Variants in AGBL4 observed in about 807,000 individuals in gnomAD.
AGBL4 encodes cytosolic carboxypeptidase 6.
In AGBL4, 58 loss-of-function variants were observed where a neutral mutation model predicts 66.4. The observed-to-expected ratio is 0.87, with a 90% CI of 0.71 to 1.09. AGBL4 has a LOEUF of 1.09. Among genes scored for constraint, AGBL4 ranks in the 50% least tolerant of loss-of-function variants. The pLI, the probability that AGBL4 is intolerant of heterozygous loss-of-function variation, is 0.00. For synonymous variants in AGBL4, 234 were observed against 222.9 expected, an observed-to-expected ratio of 1.05 and a Z score of -0.44; for missense variants, 579 against 631.0, an observed-to-expected ratio of 0.92 and a Z score of 0.88.
chr1:49,631,677 G>A (rs1401396221), intron 3 of AGBL4, among the ~76,000 whole-genome samples: 1 of 152,188 alleles, frequency 6.6e-6, no homozygotes, highest in Admixed American at 6.5e-5. Flanking sequence ...CCTGTTGGGA[G>A]AAATGCCTGT....
At chr1:48,826,362 T>A (rs1646426743) in intron 6 of AGBL4, among the ~76,000 whole-genome samples, 1 of 152,204 alleles carries the variant, frequency 6.6e-6, no homozygotes. Context: ...TAAAGCCATG[T>A]ACCATCACCA....
intron 2 of AGBL4, among the ~76,000 whole-genome samples, chr1:49,701,362 T>A (rs1056859600): frequency 5.3e-5 from 8 of 152,036 alleles, no homozygotes; most frequent in Admixed American, 3.3e-4. Context: ...AGTATTTTTA[T>A]CACAAAAATA....
intron 4 of AGBL4, among the ~76,000 whole-genome samples, chr1:49,207,723 C>T (rs746086211): frequency 6.6e-6 from 1 of 151,668 alleles, no homozygotes; most frequent in Non-Finnish European, 1.5e-5. Context: ...CCCCAAGTAG[C>T]TGATATTATA....
At chr1:49,248,260 C>G (rs1055246211) in intron 3 of AGBL4, among the ~76,000 whole-genome samples, 2 of 152,136 alleles carry the variant, frequency 1.3e-5, no homozygotes, top group South Asian at 2.1e-4. Flanking sequence ...GAATTAAACA[C>G]TTCATTCACA....
At chr1:48,968,009 T>A (rs71647724) in intron 5 of AGBL4, among the ~76,000 whole-genome samples, 27 of 152,268 alleles carry the variant, frequency 1.8e-4, no homozygotes, top group Admixed American at 4.6e-4. Flanking sequence ...TGTTTTCTTG[T>A]TTGTCTTGAT....
At chr1:48,539,598 G>A (rs1260318821) in intron 12 of AGBL4, 44 bp downstream of exon 12, 12 of 1,442,490 alleles carry the variant, frequency 8.3e-6, no homozygotes, top group African/African-American at 1.4e-5. Flanking sequence ...AATACAGCCC[G>A]TGGAGCAGAA....
chr1:49,775,698 T>A (rs1400756586), intron 2 of AGBL4, among the ~76,000 whole-genome samples: 1 of 152,122 alleles, frequency 6.6e-6, no homozygotes, highest in Non-Finnish European at 1.5e-5. Context: ...CAATATATTA[T>A]AGACTTTTAC....
Position 49,564,602 on chromosome 1 carries a change from T to C in AGBL4, c.282+132711A>G, listed in dbSNP as rs538702774. Among the ~76,000 whole-genome samples the C allele has an allele frequency of 2.0e-5, 3 of 152,326 alleles. No individual in the cohort carries two copies. The East Asian group carries it at 5.8e-4, about 29-fold the overall frequency. Reference sequence around the variant, plus strand: ...TCAGGAGCAGGTTGTTCAGTTTCCATGTAGTTGAGTGGTTTTGAGTGAGTT... The same window carrying C: ...TCAGGAGCAGGTTGTTCAGTTTCCACGTAGTTGAGTGGTTTTGAGTGAGTT... On this transcript the variant is annotated intron_variant, in intron 3 of 13. Transcript: ENST00000371839.
intron 2 of AGBL4, among the ~76,000 whole-genome samples, chr1:49,807,191 A>G (rs1246218492): frequency 6.6e-6 from 1 of 152,118 alleles, no homozygotes; most frequent in Non-Finnish European, 1.5e-5. Flanking sequence ...CAGTAGAGCC[A>G]CTGGCATGTG....
chr1:49,440,650 C>A (rs1230766012), intron 3 of AGBL4, among the ~76,000 whole-genome samples: 1 of 152,162 alleles, frequency 6.6e-6, no homozygotes, highest in Non-Finnish European at 1.5e-5. Context: ...AGCCTCAGAT[C>A]TGCTAAGACT....
intron 3 of AGBL4, among the ~76,000 whole-genome samples, chr1:49,462,122 T>C (rs185895312): frequency 6.6e-5 from 10 of 151,730 alleles, no homozygotes; most frequent in Admixed American, 1.3e-4. Context: ...CTTGTCTATA[T>C]AATCAGGCAT....
At chr1:49,491,990 A>G (rs1454120474) in intron 3 of AGBL4, among the ~76,000 whole-genome samples, 3 of 151,916 alleles carry the variant, frequency 2.0e-5, no homozygotes, top group Non-Finnish European at 4.4e-5. Context: ...ATAAAATAGA[A>G]TAATTATAAT....
At chr1:49,011,996 C>T (rs564198234) in intron 5 of AGBL4, among the ~76,000 whole-genome samples, 22 of 148,402 alleles carry the variant, frequency 1.5e-4, no homozygotes, top group Non-Finnish European at 2.2e-4. Context: ...TTAACCTGCA[C>T]AATGTGCACA....
chr1:49,333,338 C>T (rs1272753837), intron 3 of AGBL4, among the ~76,000 whole-genome samples: 2 of 151,990 alleles, frequency 1.3e-5, no homozygotes, highest in African/African-American at 2.4e-5. Flanking sequence ...ATTACCTGGG[C>T]GTGGTGGCGC....
At chr1:49,266,616 C>CACACACAT (rs1643925694) in intron 3 of AGBL4, among the ~76,000 whole-genome samples, 1 of 151,494 alleles carries the variant, frequency 6.6e-6, no homozygotes, top group South Asian at 2.1e-4. Flanking sequence ...GTAACACACA[C>CACACACAT]ACACACACAC....
At chr1:49,351,198 C>G (rs992643085) in intron 3 of AGBL4, among the ~76,000 whole-genome samples, 8 of 152,068 alleles carry the variant, frequency 5.3e-5, no homozygotes, top group African/African-American at 1.9e-4. Flanking sequence ...ATTTTTCCCC[C>G]GAATTTTACA....
chr1:49,934,872 A>T lies in AGBL4; in HGVS notation c.35-83354T>A, dbSNP rs75872196. Among the ~76,000 whole-genome samples the T allele has an allele frequency of 2.9e-3, 445 of 152,056 alleles. 23 individuals are homozygous for T. The East Asian group carries it at 0.072, about 25-fold the overall frequency. ...GGGCAGCCAAGATGGCCGAATAGGA[A>T]CAGCTCCGATCTACAGCTCCCAACG... On this transcript the variant is annotated intron_variant, in intron 1 of 13. Coordinates refer to ENST00000371839, the MANE Select transcript of AGBL4 (RefSeq NM_032785.4).
intron 2 of AGBL4, among the ~76,000 whole-genome samples, chr1:49,792,700 C>T (rs1013119240): frequency 6.6e-6 from 1 of 152,086 alleles, no homozygotes; most frequent in Non-Finnish European, 1.5e-5. Context: ...TTAAAATGCT[C>T]TTGTCACTGG....
chr1:48,630,738 T>G (rs1424939248), intron 9 of AGBL4, among the ~76,000 whole-genome samples: 1 of 152,230 alleles, frequency 6.6e-6, no homozygotes, highest in African/African-American at 2.4e-5. Flanking sequence ...TGGCTCCCTA[T>G]TCCCATGAAA....
Sources: gnomAD v4.1 joint callset for allele counts (sites outside exome capture counted in the v4.1 genomes callset) on GRCh38, gnomAD v4.1.1 for gene constraint, MANE v1.5 for transcripts, NCBI Gene and HGNC (gene_info 2026-07-23, HGNC 2026-07-21) for gene names.